OPHN1: variants seen among roughly 807,000 people sequenced by gnomAD.
OPHN1 encodes oligophrenin-1.
OPHN1 carries 11 observed loss-of-function variants against 60.7 expected under a neutral mutation model. The observed-to-expected ratio is 0.18, with a 90% CI of 0.11 to 0.30. The LOEUF (loss-of-function observed/expected upper bound fraction) is 0.30, where lower values mean the gene tolerates loss of function less well. Ranked by LOEUF, OPHN1 falls within the 10% of genes least tolerant of loss-of-function variation. The pLI, the probability that OPHN1 is intolerant of heterozygous loss-of-function variation, is 1.00. For missense variants in OPHN1, 449 were observed against 611.0 expected, an observed-to-expected ratio of 0.73 and a Z score of 2.80; for synonymous variants, 226 against 222.6, an observed-to-expected ratio of 1.02 and a Z score of -0.14.
chrX:68,404,038 A>T (rs1463918775), intron 2 of OPHN1, among the ~76,000 whole-genome samples: 2 of 110,439 alleles, frequency 1.8e-5, no homozygotes, highest in African/African-American at 6.6e-5. Flanking sequence ...GTATATATGT[A>T]AGTCATTCAG....
chrX:68,253,021 A>G (rs1369915548), intron 5 of OPHN1, among the ~76,000 whole-genome samples: 1 of 110,497 alleles, frequency 9.1e-6, no homozygotes, highest in Admixed American at 9.7e-5. Context: ...ACAAATTTTT[A>G]AACACCCACT....
chrX:68,389,568 A>AAAATAAAT (rs200288420), intron 2 of OPHN1, among the ~76,000 whole-genome samples: 4,622 of 76,799 alleles, frequency 0.06, 468 homozygotes, highest in African/African-American at 0.2. Flanking sequence ...CTCCCTCTCA[A>AAAATAAAT]AAATAAATAA....
At chrX:68,328,387 C>T (rs994956290) in intron 2 of OPHN1, among the ~76,000 whole-genome samples, 1 of 112,331 alleles carries the variant, frequency 8.9e-6, no homozygotes, top group African/African-American at 3.2e-5. Context: ...CTCGGCCTCC[C>T]GAAGTGCTGG....
intron 15 of OPHN1, among the ~76,000 whole-genome samples, chrX:68,146,103 A>G (rs2077262822): frequency 8.9e-6 from 1 of 112,540 alleles, no homozygotes; most frequent in Non-Finnish European, 1.9e-5. Context: ...TATTTTAAAA[A>G]TTAGAATTAA....
intron 2 of OPHN1, among the ~76,000 whole-genome samples, chrX:68,347,820 G>T (rs951377604): frequency 2.8e-5 from 3 of 108,374 alleles, no homozygotes; most frequent in African/African-American, 1.0e-4. Flanking sequence ...TGGGTCAGTT[G>T]GTCAGTCAGG....
intron 2 of OPHN1, among the ~76,000 whole-genome samples, chrX:68,338,185 T>G (rs1406780792): frequency 9.0e-6 from 1 of 111,609 alleles, no homozygotes; most frequent in African/African-American, 3.3e-5. Flanking sequence ...AATGGTTAGA[T>G]CTAGATAGAA....
intron 2 of OPHN1, among the ~76,000 whole-genome samples, chrX:68,422,601 GA>G (rs2078831965): frequency 1.5e-5 from 1 of 67,909 alleles, no homozygotes; most frequent in Non-Finnish European, 2.8e-5. Context: ...GAAAGAAAAA[GA>G]AAAGAAAAAG....
intron 2 of OPHN1, among the ~76,000 whole-genome samples, chrX:68,392,936 C>A (rs1387826240): frequency 1.8e-5 from 2 of 110,859 alleles, no homozygotes. Context: ...GTGTGTGACT[C>A]GATTCTTCCG....
intron 15 of OPHN1, among the ~76,000 whole-genome samples, chrX:68,146,028 C>T (rs2077262392): frequency 8.9e-6 from 1 of 112,186 alleles, no homozygotes; most frequent in Non-Finnish European, 1.9e-5. Context: ...AAACTATTTA[C>T]TAACTGACCC....
chrX:68,042,387 G>GAGCC lies in OPHN1; in HGVS notation c.*4781_*4784dup, dbSNP rs925235927. On this transcript the variant is annotated 3_prime_UTR_variant, in exon 25 of 25. Coordinates refer to ENST00000355520, the MANE Select transcript of OPHN1 (RefSeq NM_002547.3). Reference sequence around the variant, plus strand: ...ATACTTTATTGAAAGTCACATGAATGAGCCCCAGGATCTCGTTTGTTTTAT... The same window carrying GAGCC: ...ATACTTTATTGAAAGTCACATGAATGAGCCAGCCCCAGGATCTCGTTTGTTTTAT... The GAGCC allele has an allele frequency of 9.0e-6, 1 of 111,034 alleles. No homozygotes were observed. The highest frequency in any genetic ancestry group is 1.9e-5 in the Non-Finnish European group (1 of 52,999). 9.2% of individuals were successfully genotyped at this position (111,034 alleles called of 1,213,427 possible).
intron 2 of OPHN1, among the ~76,000 whole-genome samples, chrX:68,399,466 C>A (rs997382647): frequency 1.8e-5 from 2 of 111,610 alleles, no homozygotes; most frequent in Non-Finnish European, 3.8e-5. Flanking sequence ...GCCTGGCCAA[C>A]ATGGCGAAAC....
chrX:68,271,783 C>G (rs959419669), intron 5 of OPHN1, among the ~76,000 whole-genome samples: 7 of 110,720 alleles, frequency 6.3e-5, no homozygotes, highest in Non-Finnish European at 9.5e-5. Flanking sequence ...GTATGAGGGC[C>G]CTGCAGAGAG....
intron 6 of OPHN1, among the ~76,000 whole-genome samples, chrX:68,232,758 T>A (rs1454350077): frequency 9.0e-6 from 1 of 110,625 alleles, no homozygotes; most frequent in African/African-American, 3.3e-5. Context: ...CATAGCAGTC[T>A]CAGGCCTGTT....
At chrX:68,171,169 T>C (rs2077389180) in intron 15 of OPHN1, among the ~76,000 whole-genome samples, 1 of 110,824 alleles carries the variant, frequency 9.0e-6, no homozygotes, top group Non-Finnish European at 1.9e-5. Context: ...AGGTGATGGA[T>C]ACCCTATTTC....
At chrX:68,212,607 C>CA (rs2077589694) in intron 7 of OPHN1, among the ~76,000 whole-genome samples, 2 of 111,129 alleles carry the variant, frequency 1.8e-5, no homozygotes, top group Admixed American at 9.6e-5. Context: ...AACAAACAAA[C>CA]AACAACAACA....
chrX:68,220,397 T>C (rs1246666815), intron 6 of OPHN1, among the ~76,000 whole-genome samples: 20 of 110,999 alleles, frequency 1.8e-4, no homozygotes, highest in Non-Finnish European at 2.8e-4. Flanking sequence ...TTCCAATCAA[T>C]AGAAAAAGAG....
chrX:68,199,722 T>C (rs1330007282), intron 11 of OPHN1, among the ~76,000 whole-genome samples: 1 of 111,895 alleles, frequency 8.9e-6, no homozygotes, highest in Non-Finnish European at 1.9e-5. Flanking sequence ...ACGCTCTACT[T>C]TGCAGCTTGT....
At chrX:68,223,892 A>T (rs969804762) in intron 6 of OPHN1, among the ~76,000 whole-genome samples, 6 of 111,354 alleles carry the variant, frequency 5.4e-5, no homozygotes, top group African/African-American at 2.0e-4. Flanking sequence ...AGATGGCAAG[A>T]CTCTAAGAAG....
At chrX:68,175,344 GTTATAT>G (rs2077409982) in intron 15 of OPHN1, among the ~76,000 whole-genome samples, 1 of 111,028 alleles carries the variant, frequency 9.0e-6, no homozygotes, top group African/African-American at 3.3e-5. Flanking sequence ...TACATAATTG[GTTATAT>G]TTATAATATG....
Sources: gnomAD v4.1 joint callset for allele counts (sites outside exome capture counted in the v4.1 genomes callset) on GRCh38, gnomAD v4.1.1 for gene constraint, MANE v1.5 for transcripts, NCBI Gene and HGNC (gene_info 2026-07-23, HGNC 2026-07-21) for gene names.